Variants in CSMD1 observed in about 807,000 individuals in gnomAD.
CSMD1 encodes the protein CUB and Sushi multiple domains 1, also known as CUB and sushi domain-containing protein 1.
A neutral mutation model predicts 417.5 loss-of-function variants in CSMD1; 213 were observed. That is an observed-to-expected ratio of 0.51 (90% CI 0.46 to 0.57). The LOEUF (loss-of-function observed/expected upper bound fraction) is 0.57. CSMD1 is among the 20% of genes least tolerant of loss of function. CSMD1 has a pLI of 0.00. For synonymous variants in CSMD1, 2,862 were observed against 1,736.8 expected (o/e 1.65, Z -16.11); for missense variants, 6,923 against 4,529.7 (o/e 1.53, Z -15.17).
At chr8:3,845,147 G>T (rs562454981) in intron 5 of CSMD1, among the ~76,000 whole-genome samples, 1 of 152,300 alleles carries the variant, frequency 6.6e-6, no homozygotes, top group African/African-American at 2.4e-5. Flanking sequence ...TTGAATTGAA[G>T]GCAGGAAGAC....
intron 41 of CSMD1, among the ~76,000 whole-genome samples, chr8:3,139,956 G>T (rs950707798): frequency 6.9e-6 from 1 of 145,404 alleles, no homozygotes; most frequent in Non-Finnish European, 1.5e-5. Context: ...AGACTGGAGT[G>T]CAATGGTGTG....
intron 5 of CSMD1, among the ~76,000 whole-genome samples, chr8:3,826,157 T>A (rs185873048): frequency 1.3e-5 from 2 of 152,106 alleles, no homozygotes; most frequent in East Asian, 3.9e-4. Context: ...TACATCAAAG[T>A]GACGAGGCTT....
In CSMD1 at chr8:4,460,027, G is replaced by C. The variant is rs558427661; in HGVS notation, c.303-39962C>G. Among the ~76,000 whole-genome samples, 336 of 152,140 alleles carry C rather than the reference G, an allele frequency of 2.2e-3. 4 individuals carry two copies. Among genetic ancestry groups the C allele is most frequent in the African/African-American group, 7.5e-3 (313 of 41,480 alleles). On this transcript the variant is annotated intron_variant, in intron 2 of 69. Coordinates refer to ENST00000635120, the MANE Select transcript of CSMD1 (RefSeq NM_033225.6). Reference sequence around the variant, plus strand: ...TACTATAAACCAACTGGAATGAACAGACATCTACAGAACATTCCAGCCAAT... The same window carrying C: ...TACTATAAACCAACTGGAATGAACACACATCTACAGAACATTCCAGCCAAT...
intron 1 of CSMD1, among the ~76,000 whole-genome samples, chr8:4,844,517 G>C (rs558820847): frequency 6.6e-6 from 1 of 152,098 alleles, no homozygotes; most frequent in Non-Finnish European, 1.5e-5. Flanking sequence ...GTCAAGGTCA[G>C]GACTGCCTGC....
intron 1 of CSMD1, among the ~76,000 whole-genome samples, chr8:4,652,767 G>A (rs1407021457): frequency 6.6e-6 from 1 of 152,132 alleles, no homozygotes; most frequent in African/African-American, 2.4e-5. Context: ...GCGGTTTTGT[G>A]GAAGACAATT....
chr8:4,149,972 G>C (rs1313654020), intron 3 of CSMD1, among the ~76,000 whole-genome samples: 2 of 152,202 alleles, frequency 1.3e-5, no homozygotes, highest in African/African-American at 4.8e-5. Flanking sequence ...ACAAAGTTCA[G>C]CACTGTCACA....
chr8:4,286,869 T>G (rs1797087861), intron 3 of CSMD1, among the ~76,000 whole-genome samples: 1 of 152,226 alleles, frequency 6.6e-6, no homozygotes, highest in Non-Finnish European at 1.5e-5. Flanking sequence ...TAATTACACT[T>G]GAGGCCACTT....
intron 51 of CSMD1, among the ~76,000 whole-genome samples, chr8:3,027,192 A>G (rs1435457681): frequency 6.6e-6 from 1 of 152,184 alleles, no homozygotes; most frequent in African/African-American, 2.4e-5. Flanking sequence ...TTGGGGGGAA[A>G]AAAAAGACAA....
Position 4,460,601 on chromosome 8 carries a change from TA to T in CSMD1, c.303-40537del, listed in dbSNP as rs565434776. On this transcript the variant is annotated intron_variant, in intron 2 of 69. Coordinates refer to ENST00000635120, the MANE Select transcript of CSMD1 (RefSeq NM_033225.6). ...AAGAAATAAAGAAGTCTCAAATTAC[TA>T]AAATGGGGGAAAAAAAGGTAGAGAA... is the stretch of plus-strand genomic sequence containing the variant. Among the ~76,000 whole-genome samples the T allele has an allele frequency of 3.4e-3, 509 of 149,168 alleles. 1 individual carries two copies. The highest frequency in any genetic ancestry group is 0.012 in the African/African-American group (477 of 38,852).
intron 5 of CSMD1, among the ~76,000 whole-genome samples, chr8:3,910,980 A>G (rs1238743820): frequency 6.6e-6 from 1 of 152,200 alleles, no homozygotes; most frequent in East Asian, 1.9e-4. Context: ...TTCTGTAGCT[A>G]TTACAAGACA....
At chr8:4,176,572 G>C (rs1231148287) in intron 3 of CSMD1, among the ~76,000 whole-genome samples, 1 of 151,670 alleles carries the variant, frequency 6.6e-6, no homozygotes, top group African/African-American at 2.4e-5. Context: ...GGCAGTAGAA[G>C]TACCCTCTAG....
intron 1 of CSMD1, among the ~76,000 whole-genome samples, chr8:4,726,409 T>C (rs921760255): frequency 1.3e-5 from 2 of 152,208 alleles, no homozygotes; most frequent in African/African-American, 4.8e-5. Flanking sequence ...CTCTACCCTT[T>C]AGTGTAGTTC....
At chr8:3,434,789 A>C (rs972589783) in intron 12 of CSMD1, among the ~76,000 whole-genome samples, 4 of 152,228 alleles carry the variant, frequency 2.6e-5, no homozygotes, top group Admixed American at 2.6e-4. Context: ...TGGAACAGAC[A>C]GTTCCTTACA....
intron 33 of CSMD1, among the ~76,000 whole-genome samples, chr8:3,195,454 A>C (rs987285859): frequency 6.6e-6 from 1 of 152,356 alleles, no homozygotes; most frequent in Admixed American, 6.5e-5. Context: ...CATAGAATCA[A>C]TGGCCTCTTC....
At chr8:3,485,110 C>G (rs954172418) in intron 11 of CSMD1, among the ~76,000 whole-genome samples, 1 of 152,164 alleles carries the variant, frequency 6.6e-6, no homozygotes, top group Non-Finnish European at 1.5e-5. Flanking sequence ...AACCTATACA[C>G]AAATGTCATA....
intron 12 of CSMD1, among the ~76,000 whole-genome samples, chr8:3,419,590 A>G (rs1415212470): frequency 6.6e-6 from 1 of 152,178 alleles, no homozygotes; most frequent in Non-Finnish European, 1.5e-5. Context: ...GGAAAATCCC[A>G]CGTCTGGCCA....
chr8:3,050,532 T>C (rs998595686), intron 50 of CSMD1, among the ~76,000 whole-genome samples: 11 of 152,178 alleles, frequency 7.2e-5, no homozygotes, highest in African/African-American at 2.7e-4. Flanking sequence ...TCTGTTAAGT[T>C]CCTATTTTGA....
chr8:4,451,831 T>A (rs1799165168), intron 2 of CSMD1, among the ~76,000 whole-genome samples: 1 of 152,040 alleles, frequency 6.6e-6, no homozygotes, highest in African/African-American at 2.4e-5. Flanking sequence ...ACAGTGAGTT[T>A]TGTTTACGTA....
chr8:3,082,491 CAT>C (rs1374873180), intron 49 of CSMD1, among the ~76,000 whole-genome samples: 2 of 152,136 alleles, frequency 1.3e-5, no homozygotes, highest in Admixed American at 1.3e-4. Context: ...TGCTGACTAT[CAT>C]ATTGACTTGT....
Sources: allele counts gnomAD v4.1 joint callset (sites outside exome capture counted in the v4.1 genomes callset), GRCh38; gene constraint gnomAD v4.1.1; transcripts MANE v1.5; gene names NCBI Gene and HGNC (gene_info 2026-07-23, HGNC 2026-07-21).